TPRG1: variants seen among roughly 807,000 people sequenced by gnomAD.
The protein encoded by TPRG1 is tumor protein p63-regulated gene 1 protein.
A neutral mutation model predicts 29.3 loss-of-function variants in TPRG1; 29 were observed. That is an observed-to-expected ratio of 0.99 (90% CI 0.74 to 1.35). The LOEUF (loss-of-function observed/expected upper bound fraction) is 1.35, where lower values mean the gene tolerates loss of function less well. Among genes scored for constraint, TPRG1 ranks in the 40% most tolerant of loss-of-function variants. The pLI is 0.00. For synonymous variants in TPRG1, 130 were observed against 116.8 expected (o/e 1.11, Z -0.73); for missense variants, 327 against 335.0 (o/e 0.98, Z 0.19).
chr3:189,174,390 G>A (rs1029213702), intron 1 of TPRG1, among the ~76,000 whole-genome samples: 13 of 152,124 alleles, frequency 8.5e-5, no homozygotes, highest in African/African-American at 3.1e-4. Context: ...ACCTGTGCTG[G>A]GGCCGGGCAG....
chr3:189,318,653 T>C (rs1311327858), intron 5 of TPRG1, among the ~76,000 whole-genome samples: 3 of 152,296 alleles, frequency 2.0e-5, no homozygotes, highest in Non-Finnish European at 1.5e-5. Context: ...TTTTGGCTTT[T>C]TGTTGACATC....
At position 189,282,215 on chromosome 3, in the gene TPRG1, C is replaced by CAAA. The variant is rs577174841; in HGVS notation, c.480-28156_480-28154dup. 3.2e-5 allele frequency among the ~76,000 whole-genome samples: 3 copies of CAAA among 94,714 alleles called. No individual in the cohort carries two copies. The South Asian group carries it at 1.2e-3, about 37-fold the overall frequency. The allele number at this position is 94,714 out of a possible 152,430, so 62.1% of individuals were successfully genotyped here. ...TGTCAGTAGGCATAATAGTCCTTTC[C>CAAA]AAAAAAAAAAAAAAAAAGGCAGCAG... is the stretch of plus-strand genomic sequence containing the variant. On this transcript the variant is annotated intron_variant, in intron 4 of 5. Transcript: ENST00000345063.
intron 4 of TPRG1, among the ~76,000 whole-genome samples, chr3:189,086,241 C>A (rs981491440): frequency 6.6e-6 from 1 of 152,184 alleles, no homozygotes; most frequent in Non-Finnish European, 1.5e-5. Context: ...CTCAGCCAGT[C>A]TAGTCCTTCC....
intron 4 of TPRG1, among the ~76,000 whole-genome samples, chr3:189,049,690 CA>C (rs1715193328): frequency 6.6e-6 from 1 of 152,158 alleles, no homozygotes; most frequent in Non-Finnish European, 1.5e-5. Context: ...CAAGGCTAAC[CA>C]GCACAAAAAT....
At chr3:189,122,078 TTTGAG>T (rs1468213809) in intron 1 of TPRG1, among the ~76,000 whole-genome samples, 1 of 152,078 alleles carries the variant, frequency 6.6e-6, no homozygotes, top group Admixed American at 6.6e-5. Flanking sequence ...CTAGAATTGC[TTTGAG>T]TTGTCTATAC....
chr3:189,097,774 A>T (rs1245772504), upstream of TPRG1, among the ~76,000 whole-genome samples: 1 of 152,208 alleles, frequency 6.6e-6, no homozygotes, highest in Non-Finnish European at 1.5e-5. Context: ...CAACACAGGA[A>T]AAGTGGCAAA....
intron 1 of TPRG1, among the ~76,000 whole-genome samples, chr3:189,204,052 A>AC (rs1733927780): frequency 6.6e-6 from 1 of 151,710 alleles, no homozygotes; most frequent in Non-Finnish European, 1.5e-5. Flanking sequence ...AAAAAAAAAA[A>AC]AAAAAAAAAA....
chr3:189,059,108 A>G (rs1715922790), intron 4 of TPRG1, among the ~76,000 whole-genome samples: 2 of 152,164 alleles, frequency 1.3e-5, no homozygotes, highest in South Asian at 4.1e-4. Flanking sequence ...TACCCTAGCG[A>G]GCCTCAGTTT....
intron 3 of TPRG1, among the ~76,000 whole-genome samples, chr3:189,017,051 C>G (rs1422429695): frequency 6.6e-6 from 1 of 152,048 alleles, no homozygotes; most frequent in African/African-American, 2.4e-5. Context: ...GTTCCATTCT[C>G]ACTGTCTCTT....
At chr3:189,021,770 C>A (rs375481414) in intron 3 of TPRG1, among the ~76,000 whole-genome samples, 8 of 151,960 alleles carry the variant, frequency 5.3e-5, no homozygotes, top group African/African-American at 1.9e-4. Context: ...TGAATTTGAA[C>A]GTTGGCCTGC....
intron 2 of TPRG1, among the ~76,000 whole-genome samples, chr3:189,212,550 A>C (rs979718057): frequency 7.1e-6 from 1 of 140,792 alleles, no homozygotes; most frequent in East Asian, 2.1e-4. Flanking sequence ...AATCCTGTGA[A>C]GATTGTAAAA....
chr3:189,009,725 A>G (rs1301263977), intron 3 of TPRG1, among the ~76,000 whole-genome samples: 1 of 151,938 alleles, frequency 6.6e-6, no homozygotes, highest in Non-Finnish European at 1.5e-5. Flanking sequence ...AGTATTTACC[A>G]ATAGTGTTAT....
At chr3:189,214,381 G>A (rs1735720788) in intron 2 of TPRG1, among the ~76,000 whole-genome samples, 1 of 152,146 alleles carries the variant, frequency 6.6e-6, no homozygotes. Context: ...ATTTTTGAGA[G>A]GACAAGTGGG....
At chr3:189,073,426 T>C (rs78424924) in intron 4 of TPRG1, among the ~76,000 whole-genome samples, 2,984 of 152,354 alleles carry the variant, frequency 0.02, 97 homozygotes, top group African/African-American at 0.068. Flanking sequence ...AAGATTTGTT[T>C]GTAGTTCTTT....
At chr3:189,183,773 GTTCTTTTTTCA>G (rs1730554695) in intron 1 of TPRG1, among the ~76,000 whole-genome samples, 1 of 151,812 alleles carries the variant, frequency 6.6e-6, no homozygotes, top group Non-Finnish European at 1.5e-5. Flanking sequence ...TTGTTATCCT[GTTCTTTTTTCA>G]AGATGCCCAC....
At chr3:189,312,212 TC>T (rs1722799362) in intron 5 of TPRG1, among the ~76,000 whole-genome samples, 2 of 96,108 alleles carry the variant, frequency 2.1e-5, no homozygotes, top group East Asian at 2.2e-4. Context: ...TTTCTTTCTT[TC>T]TTTCTTAAGA....
At chr3:189,173,333 T>C (rs1339715608) in intron 1 of TPRG1, among the ~76,000 whole-genome samples, 1 of 120,966 alleles carries the variant, frequency 8.3e-6, no homozygotes, top group Non-Finnish European at 1.6e-5. Context: ...TTTTCTTTCT[T>C]TTCTTCTTCT....
At chr3:189,187,370 G>A (rs867218753) in intron 1 of TPRG1, among the ~76,000 whole-genome samples, 2 of 151,922 alleles carry the variant, frequency 1.3e-5, no homozygotes, top group East Asian at 3.9e-4. Context: ...GCAGTGACAC[G>A]GTATTGGCTC....
upstream of TPRG1, among the ~76,000 whole-genome samples, chr3:189,095,297 G>A (rs1718602745): frequency 6.6e-6 from 1 of 152,180 alleles, no homozygotes; most frequent in South Asian, 2.1e-4. Context: ...CAAAGGGAGA[G>A]TGGGGGAGTC....
Sources: allele counts gnomAD v4.1 joint callset (sites outside exome capture counted in the v4.1 genomes callset), GRCh38; gene constraint gnomAD v4.1.1; transcripts MANE v1.5; gene names NCBI Gene and HGNC (gene_info 2026-07-23, HGNC 2026-07-21).